Variants in RIMS2 observed in about 807,000 individuals in gnomAD.
RIMS2 encodes the protein regulating synaptic membrane exocytosis protein 2.
Under a neutral mutation model 174.4 loss-of-function variants are expected in RIMS2, and 59 were observed. The observed-to-expected ratio is 0.34, with a 90% CI of 0.27 to 0.42. RIMS2 has a LOEUF of 0.42. RIMS2 is among the 10% of genes least tolerant of loss of function. The pLI is 1.00. For synonymous variants in RIMS2, 606 were observed against 572.5 expected (o/e 1.06, Z -0.84); for missense variants, 1,620 against 1,666.3 (o/e 0.97, Z 0.48).
chr8:104,162,449 G>C (rs1249892889), intron 19 of RIMS2, among the ~76,000 whole-genome samples: 4 of 152,074 alleles, frequency 2.6e-5, no homozygotes, highest in African/African-American at 9.7e-5. Flanking sequence ...TTCACAACTT[G>C]AGATGTAAAT....
At chr8:103,850,256 A>G (rs2098990275) in intron 3 of RIMS2, among the ~76,000 whole-genome samples, 1 of 152,066 alleles carries the variant, frequency 6.6e-6, no homozygotes, top group Non-Finnish European at 1.5e-5. Context: ...AATTTCCAAG[A>G]TTTGTATCTT....
chr8:103,917,236 G>C (rs2076784773), intron 8 of RIMS2, among the ~76,000 whole-genome samples: 1 of 152,138 alleles, frequency 6.6e-6, no homozygotes, highest in African/African-American at 2.4e-5. Flanking sequence ...GCATTCTAGG[G>C]TGAAGCCTAC....
At chr8:103,581,559 C>T (rs1028800421) in intron 1 of RIMS2, among the ~76,000 whole-genome samples, 4 of 152,044 alleles carry the variant, frequency 2.6e-5, no homozygotes, top group African/African-American at 4.8e-5. Context: ...ATTTAAGATG[C>T]GGAACAAGAC....
At chr8:103,857,520 G>C (rs187348994) in intron 3 of RIMS2, among the ~76,000 whole-genome samples, 2 of 152,050 alleles carry the variant, frequency 1.3e-5, no homozygotes, top group East Asian at 3.9e-4. Flanking sequence ...TTTTGCTTTG[G>C]AATATTTTTG....
chr8:104,142,375 C>T (rs550359103), intron 19 of RIMS2, among the ~76,000 whole-genome samples: 10 of 152,100 alleles, frequency 6.6e-5, no homozygotes, highest in Middle Eastern at 3.4e-3. Flanking sequence ...GTGGTCCACC[C>T]GCCTCGGCCT....
At chr8:103,588,908 TG>T (rs1317657191) in intron 1 of RIMS2, among the ~76,000 whole-genome samples, 1 of 151,748 alleles carries the variant, frequency 6.6e-6, no homozygotes, top group Non-Finnish European at 1.5e-5. Context: ...AATGAACTAA[TG>T]GGATCACATC....
At position 103,652,606 on chromosome 8, in the gene RIMS2, A is replaced by G. The variant is rs992222236; in HGVS notation, c.177-44480A>G. The G allele has an allele frequency of 2.1e-5, 27 of 1,275,116 alleles. No homozygotes were observed. Among genetic ancestry groups the G allele is most frequent in the Non-Finnish European group, 2.8e-5 (27 of 954,970 alleles). The allele number at this position is 1,275,116 out of a possible 1,614,324, so 79.0% of individuals were successfully genotyped here. A position where few individuals can be genotyped will look rare whatever the true frequency, so the allele number is the denominator to read the frequency against. On this transcript the variant is annotated intron_variant, in intron 1 of 23. Transcript: ENST00000504942. ...ATTCATTTGGTTATTCAGTCACATT[A>G]TTTGCTTATTTAAACAGGTGGTTTC...
At chr8:104,221,416 G>A (rs2099154674) in intron 19 of RIMS2, among the ~76,000 whole-genome samples, 2 of 151,958 alleles carry the variant, frequency 1.3e-5, no homozygotes, top group Non-Finnish European at 2.9e-5. Flanking sequence ...AAAAAATTAG[G>A]TGACTTTTAA....
chr8:103,555,211 T>C (rs1349566613), intron 1 of RIMS2, among the ~76,000 whole-genome samples: 1 of 152,124 alleles, frequency 6.6e-6, no homozygotes, highest in African/African-American at 2.4e-5. Context: ...GCAAAGGACC[T>C]GAATAGAAAT....
At chr8:103,734,014 CTTTTTTTT>C (rs59348302) in intron 2 of RIMS2, among the ~76,000 whole-genome samples, 1,103 of 85,770 alleles carry the variant, frequency 0.013, 20 homozygotes, top group African/African-American at 0.034. Flanking sequence ...CTAAAAGCTT[CTTTTTTTT>C]TTTTTTTTTT....
chr8:103,550,562 A>G (rs1847285837), intron 1 of RIMS2, among the ~76,000 whole-genome samples: 1 of 152,138 alleles, frequency 6.6e-6, no homozygotes, highest in South Asian at 2.1e-4. Context: ...AAGCAAGACC[A>G]AACACATTCA....
chr8:103,932,820 T>C (rs188306859), intron 12 of RIMS2, among the ~76,000 whole-genome samples: 3 of 152,134 alleles, frequency 2.0e-5, no homozygotes, highest in Admixed American at 2.0e-4. Context: ...ACAGGATCAC[T>C]TGGGGTGAGG....
intron 19 of RIMS2, among the ~76,000 whole-genome samples, chr8:104,121,995 ATAAAG>A (rs371883412): frequency 1.5e-4 from 23 of 152,074 alleles, no homozygotes; most frequent in African/African-American, 5.1e-4. Context: ...ATATAATAGA[ATAAAG>A]TAATGAACTA....
intron 1 of RIMS2, among the ~76,000 whole-genome samples, chr8:103,629,071 G>C (rs1276393864): frequency 1.3e-5 from 2 of 152,108 alleles, no homozygotes; most frequent in African/African-American, 4.8e-5. Context: ...CAGGCTCTCA[G>C]CAGAAACTAT....
intron 19 of RIMS2, among the ~76,000 whole-genome samples, chr8:104,052,719 C>G (rs1282773772): frequency 2.0e-5 from 3 of 151,756 alleles, no homozygotes; most frequent in Non-Finnish European, 2.9e-5. Flanking sequence ...CTAAGGGGGC[C>G]CACTTGGGGA....
At chr8:103,588,754 C>A (rs956907978) in intron 1 of RIMS2, among the ~76,000 whole-genome samples, 1 of 151,804 alleles carries the variant, frequency 6.6e-6, no homozygotes, top group Admixed American at 6.6e-5. Flanking sequence ...ATACAAAAAT[C>A]AAATCAAAAT....
intron 17 of RIMS2, among the ~76,000 whole-genome samples, chr8:104,006,911 A>C (rs967907569): frequency 6.6e-6 from 1 of 151,962 alleles, no homozygotes; most frequent in Non-Finnish European, 1.5e-5. Context: ...AGGTTTTTTT[A>C]TATTTAATTT....
At chr8:103,790,818 A>T (rs1488339957) in intron 3 of RIMS2, among the ~76,000 whole-genome samples, 1 of 152,206 alleles carries the variant, frequency 6.6e-6, no homozygotes, top group Non-Finnish European at 1.5e-5. Context: ...TAATACTGTT[A>T]TGATTTTATG....
At chr8:103,997,911 T>C (rs1456697376) in intron 17 of RIMS2, among the ~76,000 whole-genome samples, 1 of 147,092 alleles carries the variant, frequency 6.8e-6, no homozygotes, top group Non-Finnish European at 1.5e-5. Context: ...CTCTATCATA[T>C]AACATTCTAG....
Sources: allele counts gnomAD v4.1 joint callset (sites outside exome capture counted in the v4.1 genomes callset), GRCh38; gene constraint gnomAD v4.1.1; transcripts MANE v1.5; gene names NCBI Gene and HGNC (gene_info 2026-07-23, HGNC 2026-07-21).